The following TG variants were observed in gnomAD, a reference collection of about 807,000 sequenced individuals.
TG encodes thyroid hormones.
TG carries 270 observed loss-of-function variants against 324.7 expected under a neutral mutation model. The ratio of observed to expected loss-of-function variants is 0.83; its 90% CI spans 0.75 to 0.92. The LOEUF (loss-of-function observed/expected upper bound fraction) is 0.92. TG is among the 40% of genes least tolerant of loss of function. TG has a pLI of 0.00. For missense variants in TG, 3,591 were observed against 3,456.4 expected (o/e 1.04, Z -0.98); for synonymous variants, 1,401 against 1,327.0 (o/e 1.06, Z -1.21).
intron 21 of TG, among the ~76,000 whole-genome samples, chr8:132,920,145 A>T (rs955515945): frequency 6.6e-6 from 1 of 152,208 alleles, no homozygotes; most frequent in Non-Finnish European, 1.5e-5. Context: ...TCTCTGCTGC[A>T]TGAATTTGCC....
chr8:133,042,677 T>TC lies in TG; in HGVS notation c.7239+12655dup, dbSNP rs71574379. The stretch of plus-strand genomic sequence containing the variant: ...GGTGCACAATTCCTCTCATTCTGTG[T>TC]CTTTTTTTTTTTTTTTTTTTTTTTT... On this transcript the variant is annotated intron_variant, in intron 41 of 47. Coordinates refer to ENST00000220616, the MANE Select transcript of TG (RefSeq NM_003235.5). Among the ~76,000 whole-genome samples the TC allele has an allele frequency of 7.6e-5, 9 of 118,394 alleles. 1 individual carries two copies. Among genetic ancestry groups the TC allele is most frequent in the Non-Finnish European group, 1.2e-4 (7 of 58,030 alleles). The allele number at this position is 118,394 out of a possible 152,430, so 77.7% of individuals were successfully genotyped here. A position where few individuals can be genotyped will look rare whatever the true frequency, so the allele number is the denominator to read the frequency against.
intron 23 of TG, among the ~76,000 whole-genome samples, chr8:132,931,367 T>A (rs1183691505): frequency 6.6e-6 from 1 of 152,204 alleles, no homozygotes. Context: ...TAAAACATAA[T>A]TCAGCCCATA....
intron 3 of TG, among the ~76,000 whole-genome samples, chr8:132,870,146 G>A (rs940435068): frequency 1.1e-4 from 17 of 152,058 alleles, no homozygotes; most frequent in Admixed American, 8.5e-4. Context: ...CTTCTCACCC[G>A]TGGTGTGAGG....
At chr8:133,005,039 G>A (rs979690908) in intron 35 of TG, among the ~76,000 whole-genome samples, 3 of 152,234 alleles carry the variant, frequency 2.0e-5, no homozygotes, top group African/African-American at 7.2e-5. Context: ...AACATTCCCT[G>A]AGGAAAGAAA....
intron 41 of TG, among the ~76,000 whole-genome samples, chr8:133,057,983 G>T (rs1841767646): frequency 6.6e-6 from 1 of 152,136 alleles, no homozygotes; most frequent in African/African-American, 2.4e-5. Flanking sequence ...GTGGGAGCTG[G>T]CTCTAATTGC....
Position 133,017,806 on chromosome 8 carries a change from T to C in TG, c.6591T>C (p.Ser2197=). Residue 2197 remains serine (S), a synonymous_variant, in exon 38 of 48, where the codon TCT becomes TCC. Transcript: ENST00000220616. ...PGISLLSYEA[S]VPSVPISTHG... ...TCTCTCTGCTCAGCTATGAGGCATC[T>C]GTACCTTCTGTGCCCATTTCCACCC... The C allele has an allele frequency of 1.9e-6, 3 of 1,614,228 alleles. No individual in the cohort carries two copies. The highest frequency in any genetic ancestry group is 2.5e-6 in the Non-Finnish European group (3 of 1,180,048).
intron 43 of TG, among the ~76,000 whole-genome samples, chr8:133,104,773 G>C (rs1849648425): frequency 6.6e-6 from 1 of 152,112 alleles, no homozygotes; most frequent in Non-Finnish European, 1.5e-5. Flanking sequence ...TGGGGGAAGA[G>C]GGGAAGTGAG....
At chr8:133,113,007 C>T (rs1384856807) in intron 43 of TG, among the ~76,000 whole-genome samples, 1 of 152,178 alleles carries the variant, frequency 6.6e-6, no homozygotes, top group Non-Finnish European at 1.5e-5. Flanking sequence ...GAATTTAGCT[C>T]TCCTAACATG....
chr8:133,020,744 G>A (rs1490047609), intron 39 of TG, among the ~76,000 whole-genome samples: 1 of 152,178 alleles, frequency 6.6e-6, no homozygotes, highest in African/African-American at 2.4e-5. Flanking sequence ...CTGAAACTCT[G>A]CTTTCACAGC....
intron 28 of TG, among the ~76,000 whole-genome samples, chr8:132,961,986 C>T (rs1317924795): frequency 6.6e-6 from 1 of 152,128 alleles, no homozygotes; most frequent in Non-Finnish European, 1.5e-5. Context: ...TGCCTAGATT[C>T]CCCATGGGTA....
chr8:132,922,219 T>C (rs1479669995), intron 21 of TG, among the ~76,000 whole-genome samples: 2 of 152,208 alleles, frequency 1.3e-5, no homozygotes, highest in Non-Finnish European at 2.9e-5. Context: ...TGAGAGGTCT[T>C]GAAGGACAAG....
intron 16 of TG, among the ~76,000 whole-genome samples, chr8:132,901,801 T>C (rs1220666192): frequency 6.6e-6 from 1 of 152,146 alleles, no homozygotes; most frequent in African/African-American, 2.4e-5. Context: ...CTTAAGAAGC[T>C]TGGGGGCTGT....
At chr8:133,014,382 A>G (rs1322662843) in intron 37 of TG, among the ~76,000 whole-genome samples, 1 of 152,250 alleles carries the variant, frequency 6.6e-6, no homozygotes, top group Non-Finnish European at 1.5e-5. Flanking sequence ...GAGTAGCCAT[A>G]AATCCATCAC....
chr8:132,930,002 T>C (rs1020596754), intron 23 of TG, among the ~76,000 whole-genome samples: 1 of 152,188 alleles, frequency 6.6e-6, no homozygotes, highest in Non-Finnish European at 1.5e-5. Context: ...TGCTCCTCTC[T>C]GTATTCCCCC....
rs1283084324 is a variant in TG at position 133,117,560 on chromosome 8, G to A, written c.7862+844G>A. On this transcript the variant is annotated intron_variant, in intron 45 of 47. Transcript: ENST00000220616. ...CCCTTCCCACTGAGGCAGTGACTTC[G>A]TGCATTAAACCACATCAGATCATAG... 3.9e-5 allele frequency among the ~76,000 whole-genome samples: 6 copies of A among 152,266 alleles called. 1 individual carries two copies. The East Asian group carries it at 1.2e-3, about 29-fold the overall frequency.
At chr8:133,116,738 G>T in intron 45 of TG, 22 bp downstream of exon 45, 3 of 1,602,988 alleles carry the variant, frequency 1.9e-6, no homozygotes, top group Non-Finnish European at 2.6e-6. Flanking sequence ...CAGGGAAGCA[G>T]AGAAAGGAAG....
chr8:133,031,346 A>G (rs1369965510), intron 41 of TG, among the ~76,000 whole-genome samples: 2 of 152,092 alleles, frequency 1.3e-5, no homozygotes, highest in Admixed American at 6.6e-5. Flanking sequence ...GAGGGACCAC[A>G]TTTTGTTTAT....
At chr8:133,061,293 G>A (rs534696733) in intron 41 of TG, among the ~76,000 whole-genome samples, 9 of 152,320 alleles carry the variant, frequency 5.9e-5, no homozygotes, top group Non-Finnish European at 1.2e-4. Context: ...ACAAGCATAA[G>A]CCTCCATGCC....
intron 15 of TG, 93 bp downstream of exon 15, chr8:132,900,432 C>T (rs901836946): frequency 2.6e-6 from 3 of 1,175,848 alleles, no homozygotes; most frequent in African/African-American, 3.0e-5. Flanking sequence ...CCCAGCTCTA[C>T]TGCTTCCATA....
Sources: allele counts gnomAD v4.1 joint callset (sites outside exome capture counted in the v4.1 genomes callset), GRCh38; gene constraint gnomAD v4.1.1; transcripts MANE v1.5; gene names NCBI Gene and HGNC (gene_info 2026-07-23, HGNC 2026-07-21).